Variants in MCMDC2 observed in about 807,000 individuals in gnomAD.
The protein encoded by MCMDC2 is minichromosome maintenance domain-containing protein 2.
In MCMDC2, 54 loss-of-function variants were observed where a neutral mutation model predicts 75.8. The ratio of observed to expected loss-of-function variants is 0.71; its 90% CI spans 0.57 to 0.89. MCMDC2 has a LOEUF of 0.89. MCMDC2 is among the 40% of genes least tolerant of loss of function. The pLI is 0.00. For synonymous variants in MCMDC2, 249 were observed against 274.6 expected (o/e 0.91, Z 0.92); for missense variants, 656 against 780.4 (o/e 0.84, Z 1.90).
Position 66,919,946 on chromosome 8 carries a change from C to G in MCMDC2, c.*777C>G, listed in dbSNP as rs1451470623. 6.6e-6 allele frequency: 1 copy of G among 152,170 alleles called. No individual in the cohort carries two copies. Among genetic ancestry groups the G allele is most frequent in the Non-Finnish European group, 1.5e-5 (1 of 68,018 alleles). 9.4% of individuals were successfully genotyped at this position (152,170 alleles called of 1,614,324 possible). A position where few individuals can be genotyped will look rare whatever the true frequency, so the allele number is the denominator to read the frequency against. On this transcript the variant is annotated 3_prime_UTR_variant, in exon 15 of 15. Coordinates refer to ENST00000422365, the MANE Select transcript of MCMDC2 (RefSeq NM_173518.5). Reference sequence around the variant, plus strand: ...AAAAGATAGGGGCACCATGAGAAAACAAATCCATCTTGTAAAATTTATAAA... The same window carrying G: ...AAAAGATAGGGGCACCATGAGAAAAGAAATCCATCTTGTAAAATTTATAAA...
At chr8:66,911,137 T>C (rs961733029) in intron 14 of MCMDC2, among the ~76,000 whole-genome samples, 1 of 152,202 alleles carries the variant, frequency 6.6e-6, no homozygotes, top group Non-Finnish European at 1.5e-5. Flanking sequence ...TGGACTGATA[T>C]GGTTAGGCTT....
intron 14 of MCMDC2, among the ~76,000 whole-genome samples, chr8:66,911,590 G>A (rs923481539): frequency 2.0e-5 from 3 of 150,824 alleles, no homozygotes; most frequent in Non-Finnish European, 2.9e-5. Context: ...TTGGGGGTCC[G>A]AGGCAGGCAG....
chr8:66,903,070 T>G (rs1482395886), intron 13 of MCMDC2, among the ~76,000 whole-genome samples: 1 of 150,324 alleles, frequency 6.7e-6, no homozygotes, highest in Non-Finnish European at 1.5e-5. Context: ...TGCAGTGAGC[T>G]GCAATTGGGC....
In MCMDC2 at chr8:66,896,230, A is replaced by C. The variant is rs372112649; in HGVS notation, c.1340A>C (p.Asp447Ala). ...IPGKKFGEDI[D>A]QQMTFPVQCS... The stretch of plus-strand genomic sequence containing the variant: ...GGAAAGAAGTTTGGGGAGGATATTG[A>C]TCAACAGATGACTTTTCCAGTTCAG... Residue 447 changes from aspartate (D) to alanine (A), a missense_variant, in exon 11 of 15, where the codon GAT (aspartate) becomes GCT (alanine). Coordinates refer to ENST00000422365, the MANE Select transcript of MCMDC2 (RefSeq NM_173518.5). 1 of 1,612,706 alleles carries C rather than the reference A, an allele frequency of 6.2e-7. No individual in the cohort carries two copies. Among genetic ancestry groups the C allele is most frequent in the African/African-American group, 1.3e-5 (1 of 75,000 alleles).
At chr8:66,913,216 T>G (rs572081818) in intron 14 of MCMDC2, among the ~76,000 whole-genome samples, 9 of 152,352 alleles carry the variant, frequency 5.9e-5, no homozygotes, top group Non-Finnish European at 1.2e-4. Context: ...ATTTTTAAAT[T>G]AAGGTATGTT....
In MCMDC2 at chr8:66,883,782, C is replaced by G; in HGVS notation, c.861C>G (p.Phe287Leu). The G allele has an allele frequency of 1.9e-6, 3 of 1,610,566 alleles. No homozygotes were observed. The highest frequency in any genetic ancestry group is 2.5e-6 in the Non-Finnish European group (3 of 1,177,850). ...TTCCTTCAGGAATTAGTGACAACTTCAGGTGTCTCCTCTCCTTAACTTCCA... is the reference window on the plus strand; with the variant it reads ...TTCCTTCAGGAATTAGTGACAACTTGAGGTGTCTCCTCTCCTTAACTTCCA... ...SKVPSGISDN[F>L]RCLLSLTSSS... is the part of the protein sequence containing the mutation. Residue 287 changes from phenylalanine (F) to leucine (L), a missense_variant, in exon 9 of 15, where the codon TTC (phenylalanine) becomes TTG (leucine). Phe to Leu is a conservative substitution (Grantham distance 22, BLOSUM62 0). Coordinates refer to ENST00000422365, the MANE Select transcript of MCMDC2 (RefSeq NM_173518.5).
chr8:66,898,227 T>C (rs1410261940), intron 12 of MCMDC2, among the ~76,000 whole-genome samples: 1 of 152,200 alleles, frequency 6.6e-6, no homozygotes, highest in East Asian at 1.9e-4. Context: ...TATTAATTAT[T>C]CAGGTATTTA....
chr8:66,911,631 C>G (rs565122756), intron 14 of MCMDC2, among the ~76,000 whole-genome samples: 1 of 152,086 alleles, frequency 6.6e-6, no homozygotes, highest in African/African-American at 2.4e-5. Flanking sequence ...CAAGACCAGC[C>G]TGGCCAAGAT....
intron 14 of MCMDC2, 22 bp downstream of exon 14, chr8:66,905,357 G>T: frequency 1.4e-6 from 2 of 1,429,506 alleles, no homozygotes; most frequent in Non-Finnish European, 1.8e-6. Flanking sequence ...AATTATTAAT[G>T]ATCACTACAA....
chr8:66,880,998 T>G (rs753932600), intron 8 of MCMDC2, 24 bp downstream of exon 8: 3 of 1,398,096 alleles, frequency 2.1e-6, no homozygotes, highest in Non-Finnish European at 2.8e-6. Flanking sequence ...TAGTATTATA[T>G]ATTAACAAAT....
intron 14 of MCMDC2, among the ~76,000 whole-genome samples, chr8:66,915,947 C>T (rs1468415504): frequency 6.6e-6 from 1 of 152,116 alleles, no homozygotes; most frequent in Non-Finnish European, 1.5e-5. Context: ...GAGTGGTCAA[C>T]TGAATCACAT....
chr8:66,890,999 C>T lies in MCMDC2; in HGVS notation c.1208C>T (p.Ala403Val). Residue 403 changes from alanine (A) to valine (V), a missense_variant, in exon 10 of 15, where the codon GCT (alanine) becomes GTT (valine). Transcript: ENST00000422365. ...VSIQAGSALL[A>V]KGGICFIGDL... ...ATTCAGGCTGGCAGTGCTTTGCTAG[C>T]TAAAGGTGGTATCTGCTTTATAGGA... is the stretch of plus-strand genomic sequence containing the variant. 1 of 1,607,182 alleles carries T rather than the reference C, an allele frequency of 6.2e-7. No homozygotes were observed. The highest frequency in any genetic ancestry group is 8.5e-7 in the Non-Finnish European group (1 of 1,178,508).
intron 14 of MCMDC2, among the ~76,000 whole-genome samples, chr8:66,910,464 C>A (rs928897478): frequency 6.6e-6 from 1 of 152,306 alleles, no homozygotes; most frequent in South Asian, 2.1e-4. Context: ...TCTCTTACAT[C>A]AGCATTATCT....
At chr8:66,911,772 G>A (rs573845173) in intron 14 of MCMDC2, among the ~76,000 whole-genome samples, 7 of 151,720 alleles carry the variant, frequency 4.6e-5, no homozygotes, top group South Asian at 4.2e-4. Context: ...GCAGTGAGCC[G>A]AGATTGCACC....
At chr8:66,905,538 A>G (rs1252677620) in intron 14 of MCMDC2, among the ~76,000 whole-genome samples, 10 of 152,182 alleles carry the variant, frequency 6.6e-5, no homozygotes, top group Non-Finnish European at 1.3e-4. Context: ...TAAATTCCTT[A>G]TTATGCATGA....
At chr8:66,908,384 A>G (rs373555396) in intron 14 of MCMDC2, among the ~76,000 whole-genome samples, 2 of 152,156 alleles carry the variant, frequency 1.3e-5, no homozygotes, top group East Asian at 3.9e-4. Context: ...AATTTGCTTT[A>G]TCTTTACATG....
At chr8:66,922,832 G>C (rs1024295644), downstream of MCMDC2, 2 of 213,210 alleles carry the variant, frequency 9.4e-6, no homozygotes, top group Non-Finnish European at 1.9e-5. Context: ...TTTAGGAACT[G>C]TACTTGCAAC....
In MCMDC2 at chr8:66,877,498, A is replaced by T. The variant is rs1811348751; in HGVS notation, c.435A>T (p.Gln145His). ...TGACAACTATAACCAAGTATACACAAGGGGCAAGATTTCTTTGTTCAGATG... is the reference window on the plus strand; with the variant it reads ...TGACAACTATAACCAAGTATACACATGGGGCAAGATTTCTTTGTTCAGATG... ...IAMTTITKYT[Q>H]GARFLCSDEA... Residue 145 changes from glutamine to histidine, a missense_variant, in exon 5 of 15, where the codon CAA (glutamine) becomes CAT (histidine). Physicochemically the swap from Gln to His is conservative, Grantham distance 24. Coordinates refer to ENST00000422365, the MANE Select transcript of MCMDC2 (RefSeq NM_173518.5). 6.2e-7 allele frequency: 1 copy of T among 1,610,050 alleles called. No homozygotes were observed. The highest frequency in any genetic ancestry group is 1.3e-5 in the African/African-American group (1 of 74,630).
chr8:66,907,143 A>G (rs1383546913), intron 14 of MCMDC2, among the ~76,000 whole-genome samples: 1 of 152,020 alleles, frequency 6.6e-6, no homozygotes, highest in Non-Finnish European at 1.5e-5. Context: ...TACATGTGCC[A>G]TGGCGGTTTG....
Sources: gnomAD v4.1 joint callset for allele counts (sites outside exome capture counted in the v4.1 genomes callset) on GRCh38, gnomAD v4.1.1 for gene constraint, MANE v1.5 for transcripts, NCBI Gene and HGNC (gene_info 2026-07-23, HGNC 2026-07-21) for gene names.